PIK3AP1: variants seen among roughly 807,000 people sequenced by gnomAD.
The protein encoded by PIK3AP1 is phosphoinositide-3-kinase adaptor protein 1.
Under a neutral mutation model 88.1 loss-of-function variants are expected in PIK3AP1, and 21 were observed. That is an observed-to-expected ratio of 0.24 (90% CI 0.17 to 0.34). PIK3AP1 has a LOEUF of 0.34. Among genes scored for constraint, PIK3AP1 ranks in the 10% least tolerant of loss-of-function variants. The pLI is 1.00. For missense variants in PIK3AP1, 828 were observed against 1,035.7 expected, an observed-to-expected ratio of 0.80 and a Z score of 2.75; for synonymous variants, 398 against 400.0, an observed-to-expected ratio of 1.00 and a Z score of 0.06.
Position 96,616,627 on chromosome 10 carries a change from G to C in PIK3AP1, c.2014+12C>G. ...TGTCCCACACAATGCAGCACCCTAG[G>C]AAGCCACATACCTGTCTGCTTTCCT... On this transcript the variant is annotated intron_variant, in intron 13 of 16. Transcript: ENST00000339364. The C allele has an allele frequency of 6.2e-7, 1 of 1,613,402 alleles. No homozygotes were observed. Among genetic ancestry groups the C allele is most frequent in the Admixed American group, 1.7e-5 (1 of 60,012 alleles).
chr10:96,605,400 G>A (rs1314007530), intron 14 of PIK3AP1, among the ~76,000 whole-genome samples: 1 of 152,252 alleles, frequency 6.6e-6, no homozygotes, highest in Admixed American at 6.5e-5. Context: ...AAATAACCAC[G>A]TGTGGCCAGT....
At chr10:96,658,751 C>T (rs1487188976) in intron 2 of PIK3AP1, among the ~76,000 whole-genome samples, 1 of 152,076 alleles carries the variant, frequency 6.6e-6, no homozygotes, top group Non-Finnish European at 1.5e-5. Context: ...CTCCAGAATG[C>T]CTGTTTGAAT....
chr10:96,625,173 G>A (rs889741297), intron 10 of PIK3AP1, among the ~76,000 whole-genome samples: 1 of 152,136 alleles, frequency 6.6e-6, no homozygotes, highest in Non-Finnish European at 1.5e-5. Context: ...AGTAAGCTGG[G>A]GCACTCATCC....
intron 7 of PIK3AP1, among the ~76,000 whole-genome samples, chr10:96,646,487 A>C (rs1843461833): frequency 6.6e-6 from 1 of 152,070 alleles, no homozygotes; most frequent in African/African-American, 2.4e-5. Flanking sequence ...GGTTCCTCCA[A>C]AGGGAAAAAA....
At chr10:96,714,373 T>A (rs1844476389) in intron 1 of PIK3AP1, among the ~76,000 whole-genome samples, 1 of 152,200 alleles carries the variant, frequency 6.6e-6, no homozygotes, top group African/African-American at 2.4e-5. Flanking sequence ...TCGTTGAAGA[T>A]TTACTGCTGC....
intron 1 of PIK3AP1, among the ~76,000 whole-genome samples, chr10:96,710,935 A>C (rs906216457): frequency 6.6e-6 from 1 of 152,196 alleles, no homozygotes; most frequent in African/African-American, 2.4e-5. Flanking sequence ...TCCTCACATG[A>C]ATATAAATAA....
chr10:96,616,806 A>G (rs1419961715), intron 12 of PIK3AP1, 95 bp from the exon 13 acceptor site: 4 of 1,177,230 alleles, frequency 3.4e-6, no homozygotes, highest in South Asian at 1.2e-5. Context: ...TTTGCAGGGT[A>G]TATCACATTG....
intron 8 of PIK3AP1, 152 bp downstream of exon 8, chr10:96,645,321 G>C (rs1843443631): frequency 1.4e-6 from 1 of 706,770 alleles, no homozygotes; most frequent in Admixed American, 3.8e-5. Context: ...CACAGCACAT[G>C]ACTCCAGCCC....
At chr10:96,657,070 G>A (rs1023952179) in intron 2 of PIK3AP1, 136 bp from the exon 3 acceptor site, 28 of 915,708 alleles carry the variant, frequency 3.1e-5, no homozygotes, top group Non-Finnish European at 4.4e-5. Context: ...AGAAGGGACT[G>A]ACTCAGGAAA....
chr10:96,640,864 T>G (rs1843376488), intron 8 of PIK3AP1, among the ~76,000 whole-genome samples: 1 of 152,098 alleles, frequency 6.6e-6, no homozygotes. Flanking sequence ...GATCTTGCTA[T>G]GCTGCCCAGG....
chr10:96,651,956 A>G (rs1381571922), intron 4 of PIK3AP1, among the ~76,000 whole-genome samples: 1 of 152,172 alleles, frequency 6.6e-6, no homozygotes, highest in Non-Finnish European at 1.5e-5. Context: ...ACAGGAAGAA[A>G]ATTCGGGTTT....
chr10:96,709,216 G>C (rs1844406505), intron 2 of PIK3AP1, among the ~76,000 whole-genome samples: 1 of 151,530 alleles, frequency 6.6e-6, no homozygotes, highest in Non-Finnish European at 1.5e-5. Context: ...AAGCAGGAGA[G>C]TGGGCAGTCT....
chr10:96,686,087 T>C (rs1844063897), intron 2 of PIK3AP1, among the ~76,000 whole-genome samples: 1 of 152,222 alleles, frequency 6.6e-6, no homozygotes, highest in African/African-American at 2.4e-5. Context: ...TGATGCTTTA[T>C]TTAGATCATG....
intron 3 of PIK3AP1, among the ~76,000 whole-genome samples, chr10:96,653,419 AAC>A (rs903904411): frequency 4.0e-5 from 6 of 149,108 alleles, no homozygotes; most frequent in African/African-American, 1.5e-4. Context: ...AAAAAAAAAA[AAC>A]ACACACACAC....
At chr10:96,631,564 T>C (rs919251462) in intron 8 of PIK3AP1, among the ~76,000 whole-genome samples, 10 of 152,090 alleles carry the variant, frequency 6.6e-5, no homozygotes, top group Non-Finnish European at 1.2e-4. Flanking sequence ...ATGTGCTCAT[T>C]TGGGGAGGAG....
At chr10:96,652,556 G>C (rs1247742752) in intron 4 of PIK3AP1, 142 bp downstream of exon 4, 2 of 1,015,618 alleles carry the variant, frequency 2.0e-6, no homozygotes, top group African/African-American at 3.3e-5. Flanking sequence ...CTGGGAGACA[G>C]AGCGAGACTC....
chr10:96,684,420 C>T (rs1844042623), intron 2 of PIK3AP1, among the ~76,000 whole-genome samples: 1 of 152,224 alleles, frequency 6.6e-6, no homozygotes, highest in Non-Finnish European at 1.5e-5. Context: ...CTGAGCGAGG[C>T]TTGTGCTGAG....
chr10:96,681,549 T>A (rs530712079), intron 2 of PIK3AP1, among the ~76,000 whole-genome samples: 5 of 152,218 alleles, frequency 3.3e-5, no homozygotes, highest in Admixed American at 2.0e-4. Context: ...TTCAGCTAGG[T>A]TTGGGAGAGT....
At chr10:96,621,777 T>C (rs1442539571) in intron 11 of PIK3AP1, 1 of 152,294 alleles carries the variant, frequency 6.6e-6, no homozygotes, top group Admixed American at 6.5e-5. Context: ...TTTCTCAACC[T>C]TGGCACTATT....
Sources: allele counts gnomAD v4.1 joint callset (sites outside exome capture counted in the v4.1 genomes callset), GRCh38; gene constraint gnomAD v4.1.1; transcripts MANE v1.5; gene names NCBI Gene and HGNC (gene_info 2026-07-23, HGNC 2026-07-21).